Variants in SHLD1 observed in about 807,000 individuals in gnomAD.
SHLD1 encodes the protein shieldin complex subunit 1.
Under a neutral mutation model 5.5 loss-of-function variants are expected in SHLD1, and 3 were observed. The ratio of observed to expected loss-of-function variants is 0.54; its 90% CI spans 0.25 to 1.40. The LOEUF (loss-of-function observed/expected upper bound fraction) is 1.40. SHLD1 is among the 40% of genes most tolerant of loss of function. SHLD1 has a pLI of 0.15. For synonymous variants in SHLD1, 92 were observed against 94.3 expected, an observed-to-expected ratio of 0.98 and a Z score of 0.14; for missense variants, 210 against 244.4, an observed-to-expected ratio of 0.86 and a Z score of 0.94.
chr20:5,807,043 CT>C (rs1465855095), intron 2 of SHLD1, among the ~76,000 whole-genome samples: 1 of 152,356 alleles, frequency 6.6e-6, no homozygotes, highest in East Asian at 1.9e-4. Context: ...ATGCCCACTG[CT>C]TTCAGCTGGA....
intron 1 of SHLD1, among the ~76,000 whole-genome samples, chr20:5,754,248 C>T (rs933629683): frequency 6.6e-6 from 1 of 152,098 alleles, no homozygotes; most frequent in Non-Finnish European, 1.5e-5. Context: ...GTAGCTAGGA[C>T]TACAGGCAGG....
intron 2 of SHLD1, among the ~76,000 whole-genome samples, chr20:5,783,349 G>T (rs1214781362): frequency 6.6e-6 from 1 of 151,972 alleles, no homozygotes; most frequent in Non-Finnish European, 1.5e-5. Context: ...TCAGCCTCCC[G>T]AGTAGCTGGC....
At chr20:5,825,933 G>A (rs1422908187) in intron 2 of SHLD1, among the ~76,000 whole-genome samples, 1 of 152,194 alleles carries the variant, frequency 6.6e-6, no homozygotes, top group African/African-American at 2.4e-5. Flanking sequence ...CATGGGGAGT[G>A]GGGCTTGAAT....
chr20:5,821,517 A>G (rs1285453056), intron 2 of SHLD1, among the ~76,000 whole-genome samples: 1 of 152,204 alleles, frequency 6.6e-6, no homozygotes, highest in Non-Finnish European at 1.5e-5. Context: ...ATCTCAAAAC[A>G]AAACAAAACA....
intron 2 of SHLD1, among the ~76,000 whole-genome samples, chr20:5,780,106 G>A (rs1203707318): frequency 6.7e-6 from 1 of 148,998 alleles, no homozygotes; most frequent in East Asian, 2.0e-4. Context: ...AGCCTCCCTA[G>A]TAGCTGGGAT....
At chr20:5,821,166 C>T (rs899336640) in intron 2 of SHLD1, among the ~76,000 whole-genome samples, 2 of 152,134 alleles carry the variant, frequency 1.3e-5, no homozygotes, top group Admixed American at 6.5e-5. Flanking sequence ...TTAAAAATTG[C>T]CTGGAAGTCT....
chr20:5,788,930 G>T (rs909168112), intron 2 of SHLD1, among the ~76,000 whole-genome samples: 2 of 152,034 alleles, frequency 1.3e-5, no homozygotes, highest in African/African-American at 4.8e-5. Context: ...TCAGGAGATC[G>T]AGACCAGATT....
intron 1 of SHLD1, among the ~76,000 whole-genome samples, chr20:5,753,898 G>C (rs1177291250): frequency 6.6e-6 from 1 of 152,146 alleles, no homozygotes; most frequent in African/African-American, 2.4e-5. Flanking sequence ...CTGCATGGGA[G>C]AGCTTTTCTC....
intron 2 of SHLD1, among the ~76,000 whole-genome samples, chr20:5,774,865 T>C (rs946088248): frequency 1.3e-5 from 2 of 152,154 alleles, no homozygotes; most frequent in Non-Finnish European, 2.9e-5. Flanking sequence ...TTCTTTATCC[T>C]TTTCCTTTCT....
chr20:5,818,697 G>A (rs1431293419), intron 2 of SHLD1, among the ~76,000 whole-genome samples: 1 of 152,174 alleles, frequency 6.6e-6, no homozygotes, highest in African/African-American at 2.4e-5. Flanking sequence ...ATATGGTAAT[G>A]AGGCGTGAAT....
chr20:5,759,111 C>T lies in SHLD1; in HGVS notation c.-5+8632C>T, dbSNP rs376891986. ...CTAGGATTACAGGCACCCGCCACCA[C>T]GCCCAGCTAATTTTTTGTATTTTTA... On this transcript the variant is annotated intron_variant, in intron 1 of 2. Transcript: ENST00000303142. Among the ~76,000 whole-genome samples the T allele has an allele frequency of 4.5e-3, 683 of 151,750 alleles. 8 individuals are homozygous for T. Among genetic ancestry groups the T allele is most frequent in the African/African-American group, 0.016 (645 of 41,368 alleles).
intron 2 of SHLD1, among the ~76,000 whole-genome samples, chr20:5,842,746 A>T (rs910450058): frequency 2.6e-5 from 4 of 152,104 alleles, no homozygotes; most frequent in Non-Finnish European, 4.4e-5. Context: ...TTTTCTAATT[A>T]TCTTTCCACT....
chr20:5,763,425 A>G (rs1215749832), intron 1 of SHLD1, among the ~76,000 whole-genome samples: 1 of 152,160 alleles, frequency 6.6e-6, no homozygotes, highest in East Asian at 1.9e-4. Context: ...TCATGCAAGA[A>G]GCTGTCTTTC....
Position 5,863,564 on chromosome 20 carries a change from G to T in SHLD1, c.*101G>T. Reference sequence around the variant, plus strand: ...CCCTAGGGTCTCTGGCCAGCTCTGTGTGCCCAATCCCAATTAAGTGCTTTG... The same window carrying T: ...CCCTAGGGTCTCTGGCCAGCTCTGTTTGCCCAATCCCAATTAAGTGCTTTG... On this transcript the variant is annotated 3_prime_UTR_variant, in exon 3 of 3. Coordinates refer to ENST00000303142, the MANE Select transcript of SHLD1 (RefSeq NM_152504.4). 2 of 1,202,550 alleles carry T rather than the reference G, an allele frequency of 1.7e-6. No homozygotes were observed. Among genetic ancestry groups the T allele is most frequent in the South Asian group, 1.5e-5 (1 of 67,310 alleles). The allele number at this position is 1,202,550 out of a possible 1,614,324, so 74.5% of individuals were successfully genotyped here. A position where few individuals can be genotyped will look rare whatever the true frequency, so the allele number is the denominator to read the frequency against.
chr20:5,845,179 A>G (rs999078854), intron 2 of SHLD1, among the ~76,000 whole-genome samples: 2 of 152,000 alleles, frequency 1.3e-5, no homozygotes, highest in Non-Finnish European at 2.9e-5. Flanking sequence ...TACTCTAACA[A>G]CTCTGCTGTG....
chr20:5,771,119 T>C (rs1414770199), intron 1 of SHLD1, among the ~76,000 whole-genome samples: 3 of 152,202 alleles, frequency 2.0e-5, no homozygotes, highest in Non-Finnish European at 4.4e-5. Context: ...ATGCTTAGCT[T>C]TATCATATGC....
intron 1 of SHLD1, among the ~76,000 whole-genome samples, chr20:5,755,571 T>C (rs1172568303): frequency 1.3e-5 from 2 of 152,032 alleles, no homozygotes; most frequent in East Asian, 1.9e-4. Context: ...TTTTCTTTTT[T>C]TTTTTGAGAT....
chr20:5,784,113 G>A (rs1180409310), intron 2 of SHLD1, among the ~76,000 whole-genome samples: 5 of 151,126 alleles, frequency 3.3e-5, no homozygotes, highest in Non-Finnish European at 5.9e-5. Flanking sequence ...ATGGCGCCAC[G>A]GGCACTCCAG....
At chr20:5,858,119 C>G (rs1262996863) in intron 2 of SHLD1, among the ~76,000 whole-genome samples, 1 of 146,578 alleles carries the variant, frequency 6.8e-6, no homozygotes, top group Non-Finnish European at 1.5e-5. Context: ...AAAAAAAAGT[C>G]TTAGATTTCT....
Sources: gnomAD v4.1 joint callset for allele counts (sites outside exome capture counted in the v4.1 genomes callset) on GRCh38, gnomAD v4.1.1 for gene constraint, MANE v1.5 for transcripts, NCBI Gene and HGNC (gene_info 2026-07-23, HGNC 2026-07-21) for gene names.